The following FBXL7 variants were observed in gnomAD, a reference collection of about 807,000 sequenced individuals.
FBXL7 encodes the protein F-box/LRR-repeat protein 7.
Under a neutral mutation model 38.3 loss-of-function variants are expected in FBXL7, and 12 were observed. The observed-to-expected ratio is 0.31, with a 90% CI of 0.20 to 0.51. The LOEUF is 0.51. Among genes scored for constraint, FBXL7 ranks in the 20% least tolerant of loss-of-function variants. The probability of loss-of-function intolerance (pLI) is 0.98; values close to 1 mark genes in which losing one functional copy is unlikely to be tolerated. For missense variants in FBXL7, 567 were observed against 676.4 expected (o/e 0.84, Z 1.79); for synonymous variants, 297 against 300.9 (o/e 0.99, Z 0.13).
At chr5:15,825,277 C>T (rs934504434) in intron 2 of FBXL7, among the ~76,000 whole-genome samples, 2 of 151,866 alleles carry the variant, frequency 1.3e-5, no homozygotes, top group African/African-American at 4.8e-5. Flanking sequence ...CACTCTTATT[C>T]CTATATGATT....
intron 2 of FBXL7, among the ~76,000 whole-genome samples, chr5:15,802,289 T>C (rs1339704327): frequency 6.6e-6 from 1 of 152,094 alleles, no homozygotes; most frequent in Non-Finnish European, 1.5e-5. Context: ...ATGACCCAGA[T>C]CATGTCAGGT....
intron 1 of FBXL7, among the ~76,000 whole-genome samples, chr5:15,520,681 C>T (rs555071886): frequency 2.2e-4 from 34 of 152,090 alleles, no homozygotes; most frequent in African/African-American, 6.8e-4. Context: ...GAAATATTTC[C>T]GATATTTGCT....
intron 2 of FBXL7, among the ~76,000 whole-genome samples, chr5:15,796,221 G>C (rs1347048614): frequency 6.6e-6 from 1 of 152,144 alleles, no homozygotes; most frequent in Admixed American, 6.6e-5. Context: ...CCAATAAATA[G>C]CCAACAGGAA....
At chr5:15,890,119 C>G (rs1391379081) in intron 2 of FBXL7, among the ~76,000 whole-genome samples, 1 of 152,064 alleles carries the variant, frequency 6.6e-6, no homozygotes, top group Non-Finnish European at 1.5e-5. Flanking sequence ...CCCCTAGCCC[C>G]TGGGCCACAG....
intron 2 of FBXL7, among the ~76,000 whole-genome samples, chr5:15,924,926 A>G (rs778542313): frequency 6.6e-6 from 1 of 152,160 alleles, no homozygotes; most frequent in African/African-American, 2.4e-5. Context: ...TGTGCCTGCA[A>G]GGGGCTAGTG....
At chr5:15,668,245 G>A (rs1301387578) in intron 2 of FBXL7, among the ~76,000 whole-genome samples, 1 of 152,118 alleles carries the variant, frequency 6.6e-6, no homozygotes, top group Non-Finnish European at 1.5e-5. Flanking sequence ...CCCTATGTCT[G>A]TATCTTTGCA....
At chr5:15,653,558 C>T (rs1191899904) in intron 2 of FBXL7, among the ~76,000 whole-genome samples, 2 of 152,102 alleles carry the variant, frequency 1.3e-5, no homozygotes, top group Non-Finnish European at 2.9e-5. Flanking sequence ...AATTATTTAT[C>T]AAGGTAGCTA....
intron 1 of FBXL7, among the ~76,000 whole-genome samples, chr5:15,509,619 C>A (rs183568158): frequency 0.011 from 1,657 of 151,966 alleles, 13 homozygotes; most frequent in Non-Finnish European, 0.017. Context: ...ACAACAACAA[C>A]AAAAAAAAGT....
At chr5:15,893,650 G>A (rs1281290238) in intron 2 of FBXL7, among the ~76,000 whole-genome samples, 1 of 151,958 alleles carries the variant, frequency 6.6e-6, no homozygotes, top group Non-Finnish European at 1.5e-5. Context: ...ATGGCATTGG[G>A]TATTCTTTTT....
intron 1 of FBXL7, among the ~76,000 whole-genome samples, chr5:15,593,726 C>A (rs1300511006): frequency 6.6e-6 from 1 of 151,932 alleles, no homozygotes; most frequent in South Asian, 2.1e-4. Flanking sequence ...TATTTTTTAT[C>A]CCTTTTTGGA....
intron 2 of FBXL7, among the ~76,000 whole-genome samples, chr5:15,707,174 G>GTTTTTTTTTTTCTTTTTTT (rs1743710127): frequency 1.4e-5 from 1 of 70,392 alleles, no homozygotes. Flanking sequence ...TTTTCTTTTC[G>GTTTTTTTTTTTCTTTTTTT]TTTTTTTTTT....
chr5:15,746,962 C>G (rs1165199868), intron 2 of FBXL7, among the ~76,000 whole-genome samples: 2 of 152,112 alleles, frequency 1.3e-5, no homozygotes, highest in African/African-American at 4.8e-5. Context: ...AACACTCACT[C>G]TGGCTTCCTG....
chr5:15,749,324 T>C (rs1196434651), intron 2 of FBXL7, among the ~76,000 whole-genome samples: 1 of 150,410 alleles, frequency 6.6e-6, no homozygotes, highest in East Asian at 2.0e-4. Context: ...ATTGACAAAC[T>C]TGTTATAAGT....
intron 2 of FBXL7, among the ~76,000 whole-genome samples, chr5:15,923,817 G>T (rs895956275): frequency 6.6e-6 from 1 of 152,128 alleles, no homozygotes; most frequent in Admixed American, 6.6e-5. Flanking sequence ...GTATGAAAGA[G>T]TGACAGGTTT....
At chr5:15,660,156 A>G (rs895177101) in intron 2 of FBXL7, among the ~76,000 whole-genome samples, 3 of 152,092 alleles carry the variant, frequency 2.0e-5, no homozygotes, top group African/African-American at 7.2e-5. Context: ...AGGCAGGGAT[A>G]CTCACTCCTA....
At chr5:15,795,043 G>A (rs1737379913) in intron 2 of FBXL7, among the ~76,000 whole-genome samples, 4 of 152,214 alleles carry the variant, frequency 2.6e-5, no homozygotes, top group Admixed American at 2.6e-4. Context: ...TCAGGCAGGT[G>A]GACAACAAGC....
intron 2 of FBXL7, among the ~76,000 whole-genome samples, chr5:15,755,420 G>A (rs1260196497): frequency 6.6e-6 from 1 of 152,106 alleles, no homozygotes; most frequent in Non-Finnish European, 1.5e-5. Flanking sequence ...GTGTATATGT[G>A]TGTGATTTTC....
At chr5:15,705,016 T>C (rs1743637478) in intron 2 of FBXL7, among the ~76,000 whole-genome samples, 1 of 152,118 alleles carries the variant, frequency 6.6e-6, no homozygotes, top group African/African-American at 2.4e-5. Context: ...TTTTATCTCG[T>C]TTAAAATGGC....
intron 2 of FBXL7, among the ~76,000 whole-genome samples, chr5:15,850,654 G>T (rs1014800440): frequency 6.6e-6 from 1 of 152,124 alleles, no homozygotes; most frequent in South Asian, 2.1e-4. Context: ...TATCCCATTC[G>T]GTTCTTGCAG....
Sources: gnomAD v4.1 joint callset for allele counts (sites outside exome capture counted in the v4.1 genomes callset) on GRCh38, gnomAD v4.1.1 for gene constraint, MANE v1.5 for transcripts, NCBI Gene and HGNC (gene_info 2026-07-23, HGNC 2026-07-21) for gene names.